The following HHAT variants were observed in gnomAD, a reference collection of about 807,000 sequenced individuals.
HHAT encodes the protein hedgehog acyltransferase.
HHAT carries 47 observed loss-of-function variants against 70.8 expected under a neutral mutation model. That is an observed-to-expected ratio of 0.66 (90% CI 0.53 to 0.85). The LOEUF (loss-of-function observed/expected upper bound fraction) is 0.85. HHAT is among the 40% of genes least tolerant of loss of function. The probability of loss-of-function intolerance (pLI) is 0.00; values close to 1 mark genes in which losing one functional copy is unlikely to be tolerated. For synonymous variants in HHAT, 228 were observed against 247.6 expected (o/e 0.92, Z 0.74); for missense variants, 609 against 604.8 (o/e 1.01, Z -0.07).
chr1:210,656,924 C>T (rs1437287635), intron 11 of HHAT, among the ~76,000 whole-genome samples: 1 of 152,222 alleles, frequency 6.6e-6, no homozygotes, highest in Non-Finnish European at 1.5e-5. Flanking sequence ...GACAGCGCCA[C>T]CACTGTAGCA....
intron 6 of HHAT, among the ~76,000 whole-genome samples, chr1:210,411,458 C>T (rs961507144): frequency 6.6e-6 from 1 of 152,120 alleles, no homozygotes; most frequent in African/African-American, 2.4e-5. Flanking sequence ...TGCTTCTCTC[C>T]AAGAGTTTGA....
chr1:210,616,211 A>G (rs1667696959), intron 10 of HHAT, among the ~76,000 whole-genome samples: 1 of 151,550 alleles, frequency 6.6e-6, no homozygotes, highest in Non-Finnish European at 1.5e-5. Flanking sequence ...CTACTCTCTT[A>G]GTGATTTTCA....
At chr1:210,477,679 T>C (rs952132263) in intron 8 of HHAT, among the ~76,000 whole-genome samples, 1 of 152,226 alleles carries the variant, frequency 6.6e-6, no homozygotes, top group African/African-American at 2.4e-5. Context: ...GAGGATTTGC[T>C]AAGAAGTTAA....
intron 8 of HHAT, among the ~76,000 whole-genome samples, chr1:210,475,155 C>G (rs1020515840): frequency 6.6e-6 from 1 of 152,050 alleles, no homozygotes; most frequent in Non-Finnish European, 1.5e-5. Context: ...GCCACTGTGC[C>G]GAGCTCACCC....
At chr1:210,668,641 A>G (rs1225954360) in intron 11 of HHAT, among the ~76,000 whole-genome samples, 1 of 152,212 alleles carries the variant, frequency 6.6e-6, no homozygotes, top group African/African-American at 2.4e-5. Context: ...CCAGTCTTGC[A>G]TATGTCTTTA....
chr1:210,638,919 T>C (rs1018772819), intron 11 of HHAT, among the ~76,000 whole-genome samples: 1 of 143,752 alleles, frequency 7.0e-6, no homozygotes, highest in African/African-American at 3.0e-5. Flanking sequence ...ATAAAATACT[T>C]AAAAATTAAA....
intron 10 of HHAT, among the ~76,000 whole-genome samples, chr1:210,613,055 T>TC (rs753973347): frequency 6.6e-6 from 1 of 152,212 alleles, no homozygotes; most frequent in Non-Finnish European, 1.5e-5. Context: ...TTTCTCCCAT[T>TC]CCTGGGTTGT....
rs146900472 is a variant in HHAT at position 210,620,476 on chromosome 1, T to A, written c.1246-3050T>A. On this transcript the variant is annotated intron_variant, in intron 10 of 11. Coordinates refer to ENST00000261458, the MANE Select transcript of HHAT (RefSeq NM_018194.6). ...ATGAACCTGACAGATCCCACCCCCT[T>A]TTCCTTTCCTGTAGCCCATCATTCT... Among the ~76,000 whole-genome samples, 294 of 152,316 alleles carry A rather than the reference T, an allele frequency of 1.9e-3. 2 individuals carry two copies. The highest frequency in any genetic ancestry group is 3.3e-3 in the Non-Finnish European group (223 of 68,024).
At chr1:210,433,157 C>G (rs552603399) in intron 7 of HHAT, among the ~76,000 whole-genome samples, 9 of 151,890 alleles carry the variant, frequency 5.9e-5, no homozygotes, top group African/African-American at 2.2e-4. Flanking sequence ...GAATGACCCC[C>G]TCTGAACACC....
chr1:210,500,171 G>A lies in HHAT; in HGVS notation c.1008-12982G>A, dbSNP rs140476833. 4.8e-3 allele frequency among the ~76,000 whole-genome samples: 735 copies of A among 152,250 alleles called. 10 individuals carry two copies. The highest frequency in any genetic ancestry group is 0.017 in the African/African-American group (708 of 41,544). The stretch of plus-strand genomic sequence containing the variant: ...GAGAGGTGAAACTAGATCCTTGAAG[G>A]GATCATGTGATGTCTACTTTTCAAA... On this transcript the variant is annotated intron_variant, in intron 8 of 11. Coordinates refer to ENST00000261458, the MANE Select transcript of HHAT (RefSeq NM_018194.6).
chr1:210,341,005 A>C (rs529048537), intron 1 of HHAT, among the ~76,000 whole-genome samples: 1 of 152,356 alleles, frequency 6.6e-6, no homozygotes, highest in Admixed American at 6.5e-5. Context: ...AGAAGCACCA[A>C]CCTCAAAGGT....
At chr1:210,508,504 TA>T (rs2094901179) in intron 8 of HHAT, among the ~76,000 whole-genome samples, 1 of 101,184 alleles carries the variant, frequency 9.9e-6, no homozygotes, top group Non-Finnish European at 2.0e-5. Flanking sequence ...ATGTTTGGTT[TA>T]TTTTTTTCTA....
At chr1:210,354,286 CCT>C (rs1402557828) in intron 2 of HHAT, among the ~76,000 whole-genome samples, 2 of 144,300 alleles carry the variant, frequency 1.4e-5, no homozygotes, top group Admixed American at 1.4e-4. Context: ...CTCACTGTAA[CCT>C]CTGCCTCCTG....
intron 4 of HHAT, among the ~76,000 whole-genome samples, chr1:210,399,349 C>T (rs770861980): frequency 5.3e-5 from 8 of 152,086 alleles, no homozygotes; most frequent in African/African-American, 1.2e-4. Context: ...CTCTGCCTCC[C>T]GAGTTCCAGG....
intron 3 of HHAT, among the ~76,000 whole-genome samples, chr1:210,368,321 T>A (rs4845009): frequency 0.29 from 43,363 of 152,034 alleles, 6,657 homozygotes; most frequent in Admixed American, 0.37. Flanking sequence ...AAAATGTATG[T>A]ATTTTTTTGA....
chr1:210,357,491 C>T (rs1481513783), intron 2 of HHAT, among the ~76,000 whole-genome samples: 1 of 152,200 alleles, frequency 6.6e-6, no homozygotes, highest in East Asian at 1.9e-4. Context: ...ATCTATTTCT[C>T]CATGACTGTC....
chr1:210,444,629 T>C (rs2093596761), intron 7 of HHAT, among the ~76,000 whole-genome samples: 1 of 152,016 alleles, frequency 6.6e-6, no homozygotes, highest in Non-Finnish European at 1.5e-5. Context: ...CTAGTTTAAT[T>C]GCGTAGAGGT....
chr1:210,393,500 T>G (rs1292821901), intron 4 of HHAT, among the ~76,000 whole-genome samples: 1 of 152,212 alleles, frequency 6.6e-6, no homozygotes, highest in African/African-American at 2.4e-5. Context: ...TGTTGTTGGC[T>G]GGGCACGTTA....
chr1:210,502,444 G>A (rs1358305524), intron 8 of HHAT, among the ~76,000 whole-genome samples: 1 of 148,404 alleles, frequency 6.7e-6, no homozygotes, highest in Non-Finnish European at 1.5e-5. Context: ...CTTTTGAAAA[G>A]TATATCTCAT....
Sources: allele counts gnomAD v4.1 joint callset (sites outside exome capture counted in the v4.1 genomes callset), GRCh38; gene constraint gnomAD v4.1.1; transcripts MANE v1.5; gene names NCBI Gene and HGNC (gene_info 2026-07-23, HGNC 2026-07-21).